Variants in OPCML observed in about 807,000 individuals in gnomAD.
OPCML encodes the protein opioid binding protein/cell adhesion molecule like.
In OPCML, 13 loss-of-function variants were observed where a neutral mutation model predicts 37.8. The observed-to-expected ratio is 0.34, with a 90% CI of 0.22 to 0.55. OPCML has a LOEUF of 0.55. Among genes scored for constraint, OPCML ranks in the 20% least tolerant of loss-of-function variants. OPCML has a pLI of 0.91. For missense variants in OPCML, 341 were observed against 435.6 expected (o/e 0.78, Z 1.93); for synonymous variants, 176 against 168.8 (o/e 1.04, Z -0.33).
intron 1 of OPCML, among the ~76,000 whole-genome samples, chr11:133,130,921 T>C (rs1029675758): frequency 6.6e-6 from 1 of 152,106 alleles, no homozygotes; most frequent in African/African-American, 2.4e-5. Context: ...TAGACCACTG[T>C]AGGCTGAATA....
chr11:133,297,849 T>C (rs1387647868), intron 1 of OPCML: 1 of 152,206 alleles, frequency 6.6e-6, no homozygotes, highest in Non-Finnish European at 1.5e-5. Flanking sequence ...GCAAAAAAAG[T>C]TGAATTCGTA....
chr11:132,934,268 A>T (rs1945300837), intron 2 of OPCML, among the ~76,000 whole-genome samples: 1 of 152,174 alleles, frequency 6.6e-6, no homozygotes, highest in African/African-American at 2.4e-5. Flanking sequence ...CTGGCAGGAC[A>T]AGGCAGGGTA....
At chr11:133,518,520 AGT>A (rs779069328) in intron 1 of OPCML, among the ~76,000 whole-genome samples, 16 of 151,510 alleles carry the variant, frequency 1.1e-4, no homozygotes, top group Non-Finnish European at 1.6e-4. Flanking sequence ...TGTGTATGCA[AGT>A]GTGTGTGAGT....
At chr11:132,590,159 A>G (rs2096482037) in intron 3 of OPCML, among the ~76,000 whole-genome samples, 1 of 152,210 alleles carries the variant, frequency 6.6e-6, no homozygotes, top group Non-Finnish European at 1.5e-5. Flanking sequence ...TTATTTTAAT[A>G]CATAAACTGC....
intron 1 of OPCML, chr11:133,298,686 TG>T (rs1405512484): frequency 6.6e-6 from 1 of 152,180 alleles, no homozygotes; most frequent in African/African-American, 2.4e-5. Flanking sequence ...CATGGACAAA[TG>T]GTTGATTCCT....
intron 7 of OPCML, among the ~76,000 whole-genome samples, chr11:132,429,323 T>C (rs539929195): frequency 6.6e-6 from 1 of 152,032 alleles, no homozygotes; most frequent in Admixed American, 6.6e-5. Flanking sequence ...CCGACAGGAG[T>C]TGGATTGCCG....
At chr11:132,809,996 C>T (rs1939243252) in intron 2 of OPCML, among the ~76,000 whole-genome samples, 3 of 152,058 alleles carry the variant, frequency 2.0e-5, no homozygotes. Flanking sequence ...ACTACAGGCG[C>T]CCGCCACCAC....
At chr11:133,080,986 G>A (rs563301542) in intron 1 of OPCML, among the ~76,000 whole-genome samples, 3 of 152,194 alleles carry the variant, frequency 2.0e-5, no homozygotes, top group Admixed American at 6.5e-5. Flanking sequence ...GGGGCTTACC[G>A]CCAGGCCTTA....
intron 2 of OPCML, among the ~76,000 whole-genome samples, chr11:132,803,655 A>G (rs552083681): frequency 6.6e-6 from 1 of 152,294 alleles, no homozygotes; most frequent in East Asian, 1.9e-4. Context: ...TCTTGTGATC[A>G]TTTCCCCTTG....
intron 2 of OPCML, among the ~76,000 whole-genome samples, chr11:132,796,378 T>C (rs1296659263): frequency 6.6e-6 from 1 of 152,112 alleles, no homozygotes; most frequent in Non-Finnish European, 1.5e-5. Flanking sequence ...TGTAGATATA[T>C]GTTTTTATTT....
rs1426489891 is a variant in OPCML, at chr11:132,657,223, C to A, written c.243G>T (p.Val81=). The part of the protein sequence containing the change: ...GNDKWSIDPR[V]IILVNTPTQY... The stretch of plus-strand genomic sequence containing the variant: ...GGGTTGGTGTATTGACCAGGATGAT[C>A]ACACGAGGGTCTATGGACCACTTGT... Residue 81 remains valine, a synonymous_variant, in exon 3 of 8, where the codon GTG becomes GTT. Coordinates refer to ENST00000524381, the MANE Select transcript of OPCML (RefSeq NM_001012393.5). The A allele has an allele frequency of 6.2e-7, 1 of 1,614,234 alleles. No individual in the cohort carries two copies. The highest frequency in any genetic ancestry group is 2.2e-5 in the East Asian group (1 of 44,880).
At chr11:132,555,316 C>T (rs2096392733) in intron 3 of OPCML, among the ~76,000 whole-genome samples, 1 of 152,016 alleles carries the variant, frequency 6.6e-6, no homozygotes, top group Non-Finnish European at 1.5e-5. Context: ...GGAAAAGGCA[C>T]ATCTTACACG....
intron 1 of OPCML, among the ~76,000 whole-genome samples, chr11:132,990,783 C>T (rs183656574): frequency 0.012 from 1,751 of 152,250 alleles, 21 homozygotes; most frequent in Admixed American, 0.016. Context: ...TCGAGCATTC[C>T]GAGTCTCTCT....
chr11:132,662,915 G>A lies in OPCML; in HGVS notation c.147-5596C>T, dbSNP rs541356516. Among the ~76,000 whole-genome samples the A allele has an allele frequency of 5.9e-5, 9 of 152,284 alleles. No individual in the cohort carries two copies. In the South Asian group the frequency reaches 6.2e-4, roughly 11 times the overall value. ...TCCTCATATATTGAGGACTTTGTAC[G>A]TGTTCAAAGAATTGATAATTGATAT... On this transcript the variant is annotated intron_variant, in intron 2 of 7. Coordinates refer to ENST00000524381, the MANE Select transcript of OPCML (RefSeq NM_001012393.5).
rs546243520 is a variant in OPCML, at chr11:132,823,623, C to T, written c.146+119303G>A. On this transcript the variant is annotated intron_variant, in intron 2 of 7. Transcript: ENST00000524381. ...AACAAACAAACAAACAAAAGCACTC[C>T]CTTTAACTCACTGCTTTCTCCATTT... Among the ~76,000 whole-genome samples the T allele has an allele frequency of 2.0e-4, 31 of 152,254 alleles. No individual in the cohort carries two copies. The South Asian group carries it at 6.4e-3, about 32-fold the overall frequency.
intron 2 of OPCML, among the ~76,000 whole-genome samples, chr11:132,717,915 G>A (rs891847375): frequency 6.6e-6 from 1 of 152,226 alleles, no homozygotes; most frequent in East Asian, 1.9e-4. Context: ...AATCCGTCAA[G>A]TTTACAGAGA....
chr11:132,477,973 G>A (rs550525506), intron 4 of OPCML, among the ~76,000 whole-genome samples: 1 of 152,224 alleles, frequency 6.6e-6, no homozygotes, highest in African/African-American at 2.4e-5. Context: ...ATAGCAAATA[G>A]AATTGCTTAT....
intron 3 of OPCML, among the ~76,000 whole-genome samples, chr11:132,567,064 C>T (rs1350473429): frequency 6.6e-6 from 1 of 151,352 alleles, no homozygotes; most frequent in African/African-American, 2.4e-5. Context: ...AGTATAGATT[C>T]TACAGGCAGA....
At position 132,749,103 on chromosome 11, in the gene OPCML, C is replaced by T. The variant is rs540415363; in HGVS notation, c.147-91784G>A. Among the ~76,000 whole-genome samples the T allele has an allele frequency of 3.9e-5, 6 of 152,208 alleles. No individual in the cohort carries two copies. The East Asian group carries it at 9.7e-4, about 25-fold the overall frequency. ...GAGCCCTCATGAATGGGACCTGTGTCCTTATAAAAGAGACCCCAGACAGCT... is the reference window on the plus strand; with the variant it reads ...GAGCCCTCATGAATGGGACCTGTGTTCTTATAAAAGAGACCCCAGACAGCT... On this transcript the variant is annotated intron_variant, in intron 2 of 7. Transcript: ENST00000524381.
Sources: gnomAD v4.1 joint callset for allele counts (sites outside exome capture counted in the v4.1 genomes callset) on GRCh38, gnomAD v4.1.1 for gene constraint, MANE v1.5 for transcripts, NCBI Gene and HGNC (gene_info 2026-07-23, HGNC 2026-07-21) for gene names.